The following ANKRD31 variants were observed in gnomAD, a reference collection of about 807,000 sequenced individuals.
ANKRD31 encodes the protein ankyrin repeat domain 31, also known as ankyrin repeat domain-containing protein 31.
A neutral mutation model predicts 186.0 loss-of-function variants in ANKRD31; 147 were observed. The ratio of observed to expected loss-of-function variants is 0.79; its 90% CI spans 0.69 to 0.91. The LOEUF is 0.91. Ranked by LOEUF, ANKRD31 falls within the 40% of genes least tolerant of loss-of-function variation. ANKRD31 has a pLI of 0.00. For synonymous variants in ANKRD31, 673 were observed against 736.4 expected (o/e 0.91, Z 1.39); for missense variants, 1,986 against 2,148.8 (o/e 0.92, Z 1.50).
intron 5 of ANKRD31, among the ~76,000 whole-genome samples, chr5:75,204,693 T>A (rs1219554637): frequency 3.3e-5 from 5 of 152,196 alleles, no homozygotes; most frequent in Admixed American, 1.3e-4. Context: ...GACCCCACTT[T>A]ATATGTTTTA....
chr5:75,162,799 T>G (rs1406903984), intron 11 of ANKRD31, among the ~76,000 whole-genome samples: 1 of 152,186 alleles, frequency 6.6e-6, no homozygotes, highest in Non-Finnish European at 1.5e-5. Flanking sequence ...ACAGCCCAGG[T>G]GCTAGGTATG....
chr5:75,173,257 G>A (rs1355711764), intron 10 of ANKRD31, among the ~76,000 whole-genome samples: 2 of 151,914 alleles, frequency 1.3e-5, no homozygotes, highest in South Asian at 2.1e-4. Context: ...AGCGATTTAC[G>A]ACAAACCCAC....
rs149690398 is a variant in ANKRD31, at chr5:75,080,571, G to C, written c.5644C>G (p.Gln1882Glu). The stretch of plus-strand genomic sequence containing the variant: ...GAATATTTTCTTTTTTTTTTACCTT[G>C]TCCAAATTTTGTTTTCTCAAACATT... ...KSMFEKTKFG[Q>E]GTSRESMQSS... The change falls in exon 25 of 26, where the codon CAA (glutamine) becomes GAA (glutamate). Residue 1882 changes from glutamine to glutamate, a missense_variant. By Grantham distance (29) the Gln-to-Glu change is conservative (BLOSUM62 2). Transcript: ENST00000506364. 5.5e-5 allele frequency: 83 copies of C among 1,511,258 alleles called. No homozygotes were observed. In the East Asian group the frequency reaches 2.0e-3, roughly 37 times the overall value. The allele number at this position is 1,511,258 out of a possible 1,614,324, so 93.6% of individuals were successfully genotyped here.
intron 22 of ANKRD31, 46 bp downstream of exon 22, chr5:75,104,182 T>C: frequency 1.4e-6 from 2 of 1,384,968 alleles, no homozygotes; most frequent in Non-Finnish European, 1.9e-6. Context: ...ATTTACTCAC[T>C]TATTTATAAA....
intron 15 of ANKRD31, among the ~76,000 whole-genome samples, chr5:75,140,008 C>T (rs181315695): frequency 2.0e-5 from 3 of 152,024 alleles, no homozygotes; most frequent in Admixed American, 6.6e-5. Flanking sequence ...GGGCCAGGCA[C>T]GGTGGCTGAT....
intron 10 of ANKRD31, among the ~76,000 whole-genome samples, chr5:75,169,526 A>C (rs889019914): frequency 6.6e-6 from 1 of 152,194 alleles, no homozygotes; most frequent in Non-Finnish European, 1.5e-5. Context: ...GCTGGACTAC[A>C]TATCACTCAG....
At chr5:75,188,798 G>A in intron 9 of ANKRD31, 150 bp from the exon 10 acceptor site, 1 of 643,810 alleles carries the variant, frequency 1.6e-6, no homozygotes, top group Non-Finnish European at 2.5e-6. Flanking sequence ...AGTATATTAT[G>A]AGAATATTCA....
intron 10 of ANKRD31, among the ~76,000 whole-genome samples, chr5:75,181,061 A>C (rs1366233015): frequency 2.0e-5 from 3 of 152,068 alleles, no homozygotes; most frequent in African/African-American, 7.2e-5. Flanking sequence ...AACCCCATCA[A>C]AAAGTGGGCA....
At chr5:75,129,373 T>C (rs879579182) in intron 17 of ANKRD31, among the ~76,000 whole-genome samples, 2 of 152,214 alleles carry the variant, frequency 1.3e-5, no homozygotes, top group Non-Finnish European at 2.9e-5. Flanking sequence ...CAGCTTCTTT[T>C]AGCCAAAAGA....
intron 11 of ANKRD31, among the ~76,000 whole-genome samples, chr5:75,159,465 T>C (rs893586435): frequency 5.3e-5 from 8 of 151,778 alleles, no homozygotes; most frequent in Non-Finnish European, 8.8e-5. Context: ...AAGTCAAAGA[T>C]AAAATCATGA....
chr5:75,211,591 T>C (rs1301292286), intron 3 of ANKRD31, among the ~76,000 whole-genome samples: 2 of 152,232 alleles, frequency 1.3e-5, no homozygotes, highest in Non-Finnish European at 2.9e-5. Context: ...AGCAGTTGCA[T>C]CATTTTACAT....
rs551433267 is a variant in ANKRD31 at position 75,112,214 on chromosome 5, C to T, written c.4243+299G>A. 1.2e-4 allele frequency among the ~76,000 whole-genome samples: 19 copies of T among 152,270 alleles called. 1 individual carries two copies. In the South Asian group the frequency reaches 2.5e-3, roughly 20 times the overall value. On this transcript the variant is annotated intron_variant, in intron 20 of 25. Transcript: ENST00000506364. The stretch of plus-strand genomic sequence containing the variant: ...CATGCCATTCTCCTGCCTCAGCCTC[C>T]CGAGTAGCTGGCACTACAAGCGCCC...
At chr5:75,155,460 C>T (rs1280112311) in intron 11 of ANKRD31, among the ~76,000 whole-genome samples, 2 of 152,110 alleles carry the variant, frequency 1.3e-5, no homozygotes, top group Non-Finnish European at 2.9e-5. Flanking sequence ...TGTGAACATA[C>T]TATAATTTAT....
At chr5:75,210,024 T>C (rs1460360043) in intron 4 of ANKRD31, among the ~76,000 whole-genome samples, 2 of 152,240 alleles carry the variant, frequency 1.3e-5, no homozygotes, top group African/African-American at 2.4e-5. Flanking sequence ...AGTATTATTA[T>C]GAAAATAGTT....
intron 23 of ANKRD31, among the ~76,000 whole-genome samples, chr5:75,087,693 T>C (rs191060882): frequency 2.8e-4 from 43 of 151,272 alleles, no homozygotes; most frequent in African/African-American, 9.3e-4. Context: ...TAAAAAACTG[T>C]AGGTTTTCTT....
chr5:75,118,456 A>G (rs1212602373), intron 17 of ANKRD31, among the ~76,000 whole-genome samples, 159 bp from the exon 18 acceptor site: 2 of 152,184 alleles, frequency 1.3e-5, no homozygotes, highest in African/African-American at 4.8e-5. Context: ...GGCAATTGCA[A>G]ACTAATCCAA....
chr5:75,206,809 T>A (rs1044664846), intron 4 of ANKRD31, among the ~76,000 whole-genome samples: 2 of 152,118 alleles, frequency 1.3e-5, no homozygotes, highest in African/African-American at 4.8e-5. Flanking sequence ...GAGAAAATGG[T>A]CCTGAAATAC....
At chr5:75,074,298 C>T (rs995714081) in intron 25 of ANKRD31, among the ~76,000 whole-genome samples, 1 of 152,170 alleles carries the variant, frequency 6.6e-6, no homozygotes, top group Non-Finnish European at 1.5e-5. Flanking sequence ...ATCCTTACAA[C>T]ACACTTGTTC....
At chr5:75,100,990 C>T (rs183829707) in intron 22 of ANKRD31, among the ~76,000 whole-genome samples, 6 of 152,192 alleles carry the variant, frequency 3.9e-5, no homozygotes, top group Admixed American at 6.5e-5. Flanking sequence ...TTATTTTGCT[C>T]GTTAGTTGAT....
Sources: gnomAD v4.1 joint callset for allele counts (sites outside exome capture counted in the v4.1 genomes callset) on GRCh38, gnomAD v4.1.1 for gene constraint, MANE v1.5 for transcripts, NCBI Gene and HGNC (gene_info 2026-07-23, HGNC 2026-07-21) for gene names.